Variants in SLC7A4 observed in about 807,000 individuals in gnomAD.
SLC7A4 encodes the protein cationic amino acid transporter 4.
A neutral mutation model predicts 37.8 loss-of-function variants in SLC7A4; 30 were observed. That is an observed-to-expected ratio of 0.79 (90% CI 0.59 to 1.08). The LOEUF (loss-of-function observed/expected upper bound fraction) is 1.08, where lower values mean the gene tolerates loss of function less well. Ranked by LOEUF, SLC7A4 falls within the 50% of genes least tolerant of loss-of-function variation. SLC7A4 has a pLI of 0.00. For missense variants in SLC7A4, 839 were observed against 843.2 expected (o/e 1.00, Z 0.06); for synonymous variants, 359 against 376.5 (o/e 0.95, Z 0.54).
chr22:21,030,499 T>C (rs1928850460), intron 2 of SLC7A4, 148 bp from the exon 3 acceptor site: 3 of 883,696 alleles, frequency 3.4e-6, no homozygotes, highest in South Asian at 1.8e-5. Context: ...GTAGGAGTAA[T>C]AGATTGTCAG....
At chr22:21,032,159 G>T (rs932914179) in intron 1 of SLC7A4, among the ~76,000 whole-genome samples, 9 of 152,202 alleles carry the variant, frequency 5.9e-5, no homozygotes, top group Non-Finnish European at 1.3e-4. Context: ...AGCAGGGTGA[G>T]AGGCTGGGAA....
In SLC7A4 at chr22:21,029,992, C is replaced by T. The variant is rs1269578420; in HGVS notation, c.1342G>A (p.Val448Ile). The T allele has an allele frequency of 1.2e-6, 2 of 1,613,824 alleles. No individual in the cohort carries two copies. Among genetic ancestry groups the T allele is most frequent in the Non-Finnish European group, 1.7e-6 (2 of 1,179,962 alleles). ...CCTGGCTCAGGGACGGAGGCGTGTA[C>T]AGTGCCCACCAGCTGTAGGTGGTCT... ...FSDHLQLVGT[V>I]HASVPEPGEL... Residue 448 changes from valine (V) to isoleucine (I), a missense_variant, in exon 3 of 5, where the codon GTA (valine) becomes ATA (isoleucine). Transcript: ENST00000382932.
In SLC7A4 at chr22:21,030,264, A is replaced by G. The variant is rs1328728312; in HGVS notation, c.1070T>C (p.Phe357Ser). ...MAADGLFFQV[F>S]AHVHPRTQVP... is the part of the protein sequence containing the mutation. ...CTGTGTCCGGGGGTGCACATGGGCA[A>G]ACACCTGGAAGAAGAGCCCATCGGC... The change falls in exon 3 of 5, where the codon TTT (phenylalanine) becomes TCT (serine). Residue 357 changes from phenylalanine (F) to serine (S), a missense_variant. By Grantham distance (155) the Phe-to-Ser change is radical (BLOSUM62 -2). Coordinates refer to ENST00000382932, the MANE Select transcript of SLC7A4 (RefSeq NM_004173.3). 6.2e-7 allele frequency: 1 copy of G among 1,613,688 alleles called. No individual in the cohort carries two copies. Among genetic ancestry groups the G allele is most frequent in the Non-Finnish European group, 8.5e-7 (1 of 1,180,024 alleles).
chr22:21,031,841 A>AG lies in SLC7A4; in HGVS notation c.-30dup. On this transcript the variant is annotated 5_prime_UTR_variant, in exon 2 of 5. Transcript: ENST00000382932. ...AGGTGGCCGAGAAGAGCACCGAGCC[A>AG]GCTACTGGAACCTGCTAGGGCCAGA... 2 of 1,471,602 alleles carry AG rather than the reference A, an allele frequency of 1.4e-6. No homozygotes were observed. The highest frequency in any genetic ancestry group is 1.8e-6 in the Non-Finnish European group (2 of 1,118,274). 91.2% of individuals were successfully genotyped at this position (1,471,602 alleles called of 1,614,324 possible).
chr22:21,030,486 T>G, intron 2 of SLC7A4, 135 bp from the exon 3 acceptor site: 1 of 929,828 alleles, frequency 1.1e-6, no homozygotes, highest in East Asian at 2.6e-5. Context: ...AGCATGAGTT[T>G]GTGTAGGAGT....
Position 21,030,017 on chromosome 22 carries a change from T to TGA in SLC7A4, c.1315_1316dup (p.Asp440GlnfsTer20), listed in dbSNP as rs1293001960. ...CAGTGCCCACCAGCTGTAGGTGGTC[T>TGA]GAGAAGGAGCTCTGCTGCTTGGTCA... On this transcript the variant is annotated frameshift_variant, in exon 3 of 5. Coordinates refer to ENST00000382932, the MANE Select transcript of SLC7A4 (RefSeq NM_004173.3). LOFTEE classifies it high-confidence loss of function. 4.3e-6 allele frequency: 7 copies of TGA among 1,613,384 alleles called. No individual in the cohort carries two copies. Among genetic ancestry groups the TGA allele is most frequent in the Non-Finnish European group, 5.9e-6 (7 of 1,179,866 alleles).
Position 21,029,135 on chromosome 22 carries a change from T to A in SLC7A4, c.1828A>T (p.Arg610Trp). The A allele has an allele frequency of 1.2e-6, 2 of 1,613,902 alleles. No individual in the cohort carries two copies. Among genetic ancestry groups the A allele is most frequent in the Non-Finnish European group, 1.7e-6 (2 of 1,179,968 alleles). Residue 610 changes from arginine to tryptophan, a missense_variant, in exon 5 of 5, where the codon AGG becomes TGG. Transcript: ENST00000382932. ...LNSTHYVVFP[R>W]GSLEETVQAM... The stretch of plus-strand genomic sequence containing the variant: ...TGCACTGTCTCCTCCAGGCTGCCCC[T>A]GGGGAATACCACGTAGTGTGTGGAG...
In SLC7A4 at chr22:21,031,534, C is replaced by T. The variant is rs1447159421; in HGVS notation, c.279G>A (p.Gly93=). The change falls in exon 2 of 5, where the codon GGG becomes GGA. Residue 93 remains glycine (G), a synonymous_variant. Transcript: ENST00000382932. ...CAGAGCCCGTGCGTGGCACACGTGCCCCAAATTCTGCATAGCATAGGGCTG... is the reference window on the plus strand; with the variant it reads ...CAGAGCCCGTGCGTGGCACACGTGCTCCAAATTCTGCATAGCATAGGGCTG... ...LLAALCYAEF[G]ARVPRTGSAY... is the part of the protein sequence containing the mutation. 7 of 1,610,618 alleles carry T rather than the reference C, an allele frequency of 4.3e-6. No individual in the cohort carries two copies. The highest frequency in any genetic ancestry group is 5.9e-6 in the Non-Finnish European group (7 of 1,179,174).
intron 2 of SLC7A4, 91 bp from the exon 3 acceptor site, chr22:21,030,442 A>G (rs1928848843): frequency 1.5e-6 from 2 of 1,316,232 alleles, no homozygotes; most frequent in Admixed American, 4.7e-5. Flanking sequence ...CTCCTTGGGA[A>G]CAAGGGCATG....
Position 21,030,034 on chromosome 22 carries a change from G to A in SLC7A4, c.1300C>T (p.Gln434Ter). ...GPASPGPLTK[Q>*]QSSFSDHLQL... ...AGGTGGTCTGAGAAGGAGCTCTGCTGCTTGGTCAGGGGGCCAGGGCTGGCT... is the reference window on the plus strand; with the variant it reads ...AGGTGGTCTGAGAAGGAGCTCTGCTACTTGGTCAGGGGGCCAGGGCTGGCT... Residue 434 changes from glutamine (Q) to a stop codon, truncating the protein, a stop_gained, in exon 3 of 5, where the codon CAG becomes TAG. Coordinates refer to ENST00000382932, the MANE Select transcript of SLC7A4 (RefSeq NM_004173.3). LOFTEE classifies it high-confidence loss of function. 1 of 1,613,216 alleles carries A rather than the reference G, an allele frequency of 6.2e-7. No individual in the cohort carries two copies. The highest frequency in any genetic ancestry group is 1.7e-4 in the Middle Eastern group (1 of 6,056).
Position 21,030,981 on chromosome 22 carries a change from T to A in SLC7A4, c.832A>T (p.Ile278Phe). 1 of 1,613,988 alleles carries A rather than the reference T, an allele frequency of 6.2e-7. No homozygotes were observed. Among genetic ancestry groups the A allele is most frequent in the Non-Finnish European group, 8.5e-7 (1 of 1,179,968 alleles). Residue 278 changes from isoleucine to phenylalanine, a missense_variant, in exon 2 of 5, where the codon ATT becomes TTT. Coordinates refer to ENST00000382932, the MANE Select transcript of SLC7A4 (RefSeq NM_004173.3). ...VPLAIAISLA[I>F]AAGAYILVST... is the part of the protein sequence containing the mutation. ...ACAAGGATGTAGGCACCAGCTGCAA[T>A]GGCAAGCGAGATGGCGATGGCCAGA...
At position 21,029,291 on chromosome 22, in the gene SLC7A4, C is replaced by CT. The variant is rs777456994; in HGVS notation, c.1732+44dup. ...TACAGGTTCCAGCCCTTCCTGTCCT[C>CT]TTTGCCCTCCTCCTGACCCCGGTCC... On this transcript the variant is annotated intron_variant, in intron 4 of 4. Coordinates refer to ENST00000382932, the MANE Select transcript of SLC7A4 (RefSeq NM_004173.3). The CT allele has an allele frequency of 6.2e-6, 10 of 1,612,248 alleles. No homozygotes were observed. In the East Asian group the frequency reaches 2.2e-4, roughly 36 times the overall value.
In SLC7A4 at chr22:21,029,374, T is replaced by C; in HGVS notation, c.1694A>G (p.Tyr565Cys). The C allele has an allele frequency of 1.2e-6, 2 of 1,613,750 alleles. No individual in the cohort carries two copies. The highest frequency in any genetic ancestry group is 1.3e-5 in the African/African-American group (1 of 75,010). ...GATGGAGAAGCGCACCCAGGTCAGA[T>C]AGCTAAGTTTCAGCATGAGGCAGAT... ...LNICLMLKLSYLTWVRFSIWL... is the reference protein window; with the variant it reads ...LNICLMLKLSCLTWVRFSIWL... The change falls in exon 4 of 5, where the codon TAT becomes TGT. Residue 565 changes from tyrosine (Y) to cysteine (C), a missense_variant. Physicochemically the swap from Tyr to Cys is radical, Grantham distance 194. Transcript: ENST00000382932.
rs368392043 is a variant in SLC7A4, at chr22:21,029,679, G to A, written c.1623+32C>T. The A allele has an allele frequency of 2.8e-5, 44 of 1,587,778 alleles. 2 individuals carry two copies. The highest frequency in any genetic ancestry group is 1.7e-4 in the Middle Eastern group (1 of 5,934). Reference sequence around the variant, plus strand: ...GGAAGGGGAGGCAGCTGCCTGGGCCGAGTGTGAGTGGGTGTTGGCTAGGGG... The same window carrying A: ...GGAAGGGGAGGCAGCTGCCTGGGCCAAGTGTGAGTGGGTGTTGGCTAGGGG... On this transcript the variant is annotated intron_variant, in intron 3 of 4. Coordinates refer to ENST00000382932, the MANE Select transcript of SLC7A4 (RefSeq NM_004173.3).
At position 21,031,400 on chromosome 22, in the gene SLC7A4, C is replaced by T. The variant is rs1928879473; in HGVS notation, c.413G>A (p.Ser138Asn). The T allele has an allele frequency of 6.2e-7, 1 of 1,608,770 alleles. No homozygotes were observed. Among genetic ancestry groups the T allele is most frequent in the African/African-American group, 1.3e-5 (1 of 74,858 alleles). The change falls in exon 2 of 5, where the codon AGT becomes AAT. Residue 138 changes from serine (S) to asparagine (N), a missense_variant. Coordinates refer to ENST00000382932, the MANE Select transcript of SLC7A4 (RefSeq NM_004173.3). The stretch of plus-strand genomic sequence containing the variant: ...GCTGAACATAGAGTCCAGGTAGCCA[C>T]TCCAGGCACGGGCCACGGCGGCGCC... ...IGGAAVARAW[S>N]GYLDSMFSHS... is the part of the protein sequence containing the mutation.
In SLC7A4 at chr22:21,032,121, G is replaced by A. The variant is rs115673308; in HGVS notation, c.-40-269C>T. 6.6e-3 allele frequency among the ~76,000 whole-genome samples: 1,012 copies of A among 152,268 alleles called. 14 individuals carry two copies. Among genetic ancestry groups the A allele is most frequent in the African/African-American group, 0.024 (979 of 41,566 alleles). On this transcript the variant is annotated intron_variant, in intron 1 of 4. Coordinates refer to ENST00000382932, the MANE Select transcript of SLC7A4 (RefSeq NM_004173.3). ...CTGCTCACCCGCTCGGTGGCCCTGA[G>A]GGGTGGGGAGGGAGCAGCTCCAGGG...
chr22:21,031,068 C>T lies in SLC7A4; in HGVS notation c.745G>A (p.Val249Met), dbSNP rs373912263. ...GAGGCGGCAATGACGTCGAAGCCCACGAAAGCATAGAAGCAGGAGGCAGTG... is the reference window on the plus strand; with the variant it reads ...GAGGCGGCAATGACGTCGAAGCCCATGAAAGCATAGAAGCAGGAGGCAGTG... ...AGTASCFYAF[V>M]GFDVIAASSE... The change falls in exon 2 of 5, where the codon GTG (valine) becomes ATG (methionine). Residue 249 changes from valine to methionine, a missense_variant. Val to Met is a conservative substitution (Grantham distance 21). Coordinates refer to ENST00000382932, the MANE Select transcript of SLC7A4 (RefSeq NM_004173.3). The T allele has an allele frequency of 2.5e-5, 40 of 1,613,988 alleles. No individual in the cohort carries two copies. Among genetic ancestry groups the T allele is most frequent in the Non-Finnish European group, 3.0e-5 (35 of 1,180,046 alleles).
Position 21,029,768 on chromosome 22 carries a change from CAGAA to C in SLC7A4, c.1562_1565del (p.Phe521CysfsTer26). 6.2e-7 allele frequency: 1 copy of C among 1,613,292 alleles called. No homozygotes were observed. Among genetic ancestry groups the C allele is most frequent in the Non-Finnish European group, 8.5e-7 (1 of 1,179,980 alleles). ...GAGCCCCCAGGACAAGGAGGCTGAG[CAGAA>C]ACATGACACTGGTGAGCAGGAGCAG... On this transcript the variant is annotated frameshift_variant, in exon 3 of 5. Coordinates refer to ENST00000382932, the MANE Select transcript of SLC7A4 (RefSeq NM_004173.3). LOFTEE classifies it high-confidence loss of function.
chr22:21,030,788 C>T, intron 2 of SLC7A4, 43 bp downstream of exon 2: 2 of 1,523,584 alleles, frequency 1.3e-6, no homozygotes, highest in South Asian at 1.3e-5. Context: ...CAAGGTCCCC[C>T]TTGCTCTTTT....
Sources: allele counts gnomAD v4.1 joint callset (sites outside exome capture counted in the v4.1 genomes callset), GRCh38; gene constraint gnomAD v4.1.1; transcripts MANE v1.5; gene names NCBI Gene and HGNC (gene_info 2026-07-23, HGNC 2026-07-21).